Variants in CCNE2 observed in about 807,000 individuals in gnomAD.
CCNE2 encodes the protein G1/S-specific cyclin-E2.
A neutral mutation model predicts 56.8 loss-of-function variants in CCNE2; 18 were observed. The observed-to-expected ratio is 0.32, with a 90% CI of 0.22 to 0.47. The LOEUF (loss-of-function observed/expected upper bound fraction) is 0.47. Among genes scored for constraint, CCNE2 ranks in the 20% least tolerant of loss-of-function variants. CCNE2 has a pLI of 1.00. For synonymous variants in CCNE2, 139 were observed against 149.2 expected (o/e 0.93, Z 0.50); for missense variants, 371 against 467.1 (o/e 0.79, Z 1.90).
chr8:94,882,018 C>A (rs16917106), intron 11 of CCNE2, 114 bp downstream of exon 11: 218,927 of 1,078,792 alleles, frequency 0.2, 23,318 homozygotes, highest in Middle Eastern at 0.26. Context: ...CAGTGTGCCC[C>A]TTAGAACTTT....
At chr8:94,895,280 G>C (rs1296646356), upstream of CCNE2, 8 of 984,312 alleles carry the variant, frequency 8.1e-6, no homozygotes, top group Non-Finnish European at 7.2e-6. Flanking sequence ...TGACACCTCC[G>C]GACAGCGCGC....
At chr8:94,894,550 A>C (rs1586560586) in intron 1 of CCNE2, 2 of 340,022 alleles carry the variant, frequency 5.9e-6, no homozygotes, top group Non-Finnish European at 1.1e-5. Flanking sequence ...TGGGTCCTCC[A>C]CCCTCTCCCC....
upstream of CCNE2, chr8:94,896,649 G>T (rs1036870046): frequency 6.6e-6 from 1 of 152,062 alleles, no homozygotes; most frequent in Non-Finnish European, 1.5e-5. Context: ...GACGGCGAGC[G>T]GGCCGCGCCG....
intron 5 of CCNE2, 60 bp downstream of exon 5, chr8:94,892,758 C>T (rs891318498): frequency 2.3e-6 from 2 of 871,614 alleles, no homozygotes; most frequent in African/African-American, 1.8e-5. Context: ...AAAATAGTGC[C>T]ATGTATTAAA....
intron 5 of CCNE2, chr8:94,892,006 G>T: frequency 1.2e-6 from 1 of 861,168 alleles, no homozygotes; most frequent in South Asian, 1.3e-5. Flanking sequence ...GATCTTTAGT[G>T]AAAAGGAACA....
chr8:94,883,298 C>T (rs1344352323), intron 9 of CCNE2, among the ~76,000 whole-genome samples: 1 of 151,758 alleles, frequency 6.6e-6, no homozygotes, highest in Non-Finnish European at 1.5e-5. Context: ...AACAAGCCAC[C>T]AACCTGAAGG....
In CCNE2 at chr8:94,881,092, A is replaced by G. The variant is rs1183910164; in HGVS notation, c.*540T>C. 2.5e-6 allele frequency: 1 copy of G among 397,248 alleles called. No homozygotes were observed. The highest frequency in any genetic ancestry group is 4.4e-6 in the Non-Finnish European group (1 of 225,298). 24.6% of individuals were successfully genotyped at this position (397,248 alleles called of 1,614,324 possible). ...CATTTGTAGAAATTCAAGTTTTATA[A>G]TAGCTTGCTATAGCAGCTATAGATA... is the stretch of plus-strand genomic sequence containing the variant. On this transcript the variant is annotated 3_prime_UTR_variant, in exon 12 of 12. Coordinates refer to ENST00000308108, the MANE Select transcript of CCNE2 (RefSeq NM_057749.3).
At chr8:94,882,639 T>TAACA in intron 10 of CCNE2, 142 bp downstream of exon 10, 1 of 629,736 alleles carries the variant, frequency 1.6e-6, no homozygotes, top group Admixed American at 2.9e-5. Context: ...AAAGTACTTC[T>TAACA]AACAGAAAGA....
chr8:94,883,275 C>CA (rs111261848), intron 9 of CCNE2, among the ~76,000 whole-genome samples: 13,551 of 98,716 alleles, frequency 0.14, 704 homozygotes, highest in Non-Finnish European at 0.16. Flanking sequence ...GACTCCGTCT[C>CA]AAAAAAAAAA....
intron 5 of CCNE2, chr8:94,891,563 C>T: frequency 2.9e-6 from 1 of 340,794 alleles, no homozygotes; most frequent in Non-Finnish European, 5.5e-6. Context: ...GAGGCTGAGG[C>T]AGGAGAATCA....
Position 94,880,280 on chromosome 8 carries a change from A to G in CCNE2, c.*1352T>C. ...TTTATTTTTTAAACAATGGGCTAAA[A>G]ATAAACAGTATTAAAAGGTTAAGTT... On this transcript the variant is annotated 3_prime_UTR_variant, in exon 12 of 12. Coordinates refer to ENST00000308108, the MANE Select transcript of CCNE2 (RefSeq NM_057749.3). The G allele has an allele frequency of 1.0e-6, 1 of 989,234 alleles. No individual in the cohort carries two copies. Among genetic ancestry groups the G allele is most frequent in the East Asian group, 2.6e-5 (1 of 38,616 alleles). The allele number at this position is 989,234 out of a possible 1,614,324, so 61.3% of individuals were successfully genotyped here.
intron 7 of CCNE2, 148 bp from the exon 8 acceptor site, chr8:94,885,706 G>C: frequency 1.7e-4 from 53 of 306,472 alleles, no homozygotes; most frequent in Middle Eastern, 1.1e-3. Context: ...AATAAGCAAA[G>C]ACAAAAAGTA....
chr8:94,895,149 A>T lies in CCNE2; in HGVS notation c.-27+28T>A, dbSNP rs994564659. ...CCAACTGGGCTTTCTTTCCTCCCAC[A>T]TCCCCCCTACGCGCAGCAACTCCTC... On this transcript the variant is annotated intron_variant, in intron 1 of 11. Transcript: ENST00000308108. The T allele has an allele frequency of 3.0e-6, 3 of 983,828 alleles. No homozygotes were observed. In the African/African-American group the frequency reaches 5.3e-5, roughly 17 times the overall value. The allele number at this position is 983,828 out of a possible 1,614,324, so 60.9% of individuals were successfully genotyped here.
chr8:94,896,395 T>A (rs976087028), upstream of CCNE2: 2 of 151,584 alleles, frequency 1.3e-5, no homozygotes, highest in Admixed American at 1.3e-4. Flanking sequence ...CTTCCCCGGG[T>A]GTTTAAACTT....
intron 7 of CCNE2, among the ~76,000 whole-genome samples, chr8:94,887,445 CAG>C (rs1817079063): frequency 6.6e-6 from 1 of 151,752 alleles, no homozygotes; most frequent in Admixed American, 6.6e-5. Flanking sequence ...GCGGAGGTTG[CAG>C]AGAGCCAAGA....
At chr8:94,887,551 C>T (rs1351914422) in intron 7 of CCNE2, among the ~76,000 whole-genome samples, 1 of 151,958 alleles carries the variant, frequency 6.6e-6, no homozygotes, top group Non-Finnish European at 1.5e-5. Context: ...TCTAACCCAA[C>T]ACAGTATGCA....
At chr8:94,883,604 A>G in intron 9 of CCNE2, 1 of 242,942 alleles carries the variant, frequency 4.1e-6, no homozygotes, top group Non-Finnish European at 8.6e-6. Context: ...TTGGATCACA[A>G]AGGGTCTTTA....
upstream of CCNE2, chr8:94,896,467 C>G (rs1381961253): frequency 2.0e-5 from 3 of 152,274 alleles, no homozygotes; most frequent in African/African-American, 7.2e-5. Flanking sequence ...AACTGCACAT[C>G]GTCAAGTCAG....
rs761675921 is a variant in CCNE2, at chr8:94,888,046, C to A, written c.481G>T (p.Glu161Ter). 6.3e-7 allele frequency: 1 copy of A among 1,585,760 alleles called. No individual in the cohort carries two copies. Among genetic ancestry groups the A allele is most frequent in the Admixed American group, 1.8e-5 (1 of 55,000 alleles). The change falls in exon 7 of 12, where the codon GAA (glutamate) becomes TAA (stop). Residue 161 changes from glutamate to a stop codon, truncating the protein, a stop_gained. Coordinates refer to ENST00000308108, the MANE Select transcript of CCNE2 (RefSeq NM_057749.3). LOFTEE classifies it high-confidence loss of function. ...AAGTCTTGTGCAAGATAAAATGTTT[C>A]CCTATGAAGTGTGTATACTTCACAT... Reference protein sequence around the residue: ...EVCEVYTLHRETFYLAQDFFD... With the variant: ...EVCEVYTLHR
Sources: gnomAD v4.1 joint callset for allele counts (sites outside exome capture counted in the v4.1 genomes callset) on GRCh38, gnomAD v4.1.1 for gene constraint, MANE v1.5 for transcripts, NCBI Gene and HGNC (gene_info 2026-07-23, HGNC 2026-07-21) for gene names.